Variants in RGS20 observed in about 807,000 individuals in gnomAD.
The protein encoded by RGS20 is gz-selective GTPase-activating protein.
Under a neutral mutation model 33.6 loss-of-function variants are expected in RGS20, and 30 were observed. The observed-to-expected ratio is 0.89, with a 90% CI of 0.67 to 1.21. RGS20 has a LOEUF of 1.21. Among genes scored for constraint, RGS20 ranks in the 50% most tolerant of loss-of-function variants. RGS20 has a pLI of 0.00. For synonymous variants in RGS20, 208 were observed against 197.9 expected (o/e 1.05, Z -0.43); for missense variants, 472 against 502.4 (o/e 0.94, Z 0.58).
intron 1 of RGS20, among the ~76,000 whole-genome samples, chr8:53,862,964 G>C (rs961946331): frequency 4.6e-5 from 7 of 152,084 alleles, no homozygotes; most frequent in Non-Finnish European, 8.8e-5. Flanking sequence ...GGGAACCAGA[G>C]AGCTCATGAC....
intron 2 of RGS20, among the ~76,000 whole-genome samples, chr8:53,930,863 T>C (rs550711037): frequency 6.6e-6 from 1 of 152,300 alleles, no homozygotes; most frequent in African/African-American, 2.4e-5. Context: ...TAGGAAATAA[T>C]AGTTACCTGG....
At chr8:53,874,268 G>C (rs1419952655) in intron 1 of RGS20, among the ~76,000 whole-genome samples, 1 of 152,118 alleles carries the variant, frequency 6.6e-6, no homozygotes. Flanking sequence ...CTTCGGTGTT[G>C]AGATGAGACT....
At chr8:53,883,774 A>G (rs1284756001) in intron 2 of RGS20, among the ~76,000 whole-genome samples, 1 of 152,030 alleles carries the variant, frequency 6.6e-6, no homozygotes, top group Non-Finnish European at 1.5e-5. Context: ...GTGAAACCCC[A>G]TCTCTACTAA....
chr8:53,873,145 C>A (rs1164521575), intron 1 of RGS20, among the ~76,000 whole-genome samples: 1 of 152,080 alleles, frequency 6.6e-6, no homozygotes, highest in African/African-American at 2.4e-5. Flanking sequence ...TATTGCTCCC[C>A]CTCTTGCCAT....
intron 2 of RGS20, chr8:53,880,981 C>T (rs201935579): frequency 1.9e-6 from 3 of 1,589,568 alleles, no homozygotes; most frequent in East Asian, 2.3e-5. Flanking sequence ...GGCAGCCCTC[C>T]GCGCTGCAAT....
intron 1 of RGS20, among the ~76,000 whole-genome samples, chr8:53,857,741 G>T (rs1416122743): frequency 6.6e-6 from 1 of 152,102 alleles, no homozygotes; most frequent in African/African-American, 2.4e-5. Flanking sequence ...TTAGATTCGG[G>T]ATGCCAAGCC....
At chr8:53,865,514 G>C (rs1048234376) in intron 1 of RGS20, among the ~76,000 whole-genome samples, 1 of 152,212 alleles carries the variant, frequency 6.6e-6, no homozygotes, top group South Asian at 2.1e-4. Flanking sequence ...ATCAACTCCA[G>C]ATCATGACAT....
chr8:53,937,685 A>C (rs1293649028), intron 2 of RGS20, among the ~76,000 whole-genome samples: 2 of 152,220 alleles, frequency 1.3e-5, no homozygotes, highest in African/African-American at 4.8e-5. Flanking sequence ...ACAAATTTAC[A>C]AGAAAAAAAC....
rs142395195 is a variant in RGS20 at position 53,949,418 on chromosome 8, A to G, written c.743+2670A>G. Among the ~76,000 whole-genome samples, 1,344 of 151,620 alleles carry G rather than the reference A, an allele frequency of 8.9e-3. 17 individuals are homozygous for G. The highest frequency in any genetic ancestry group is 0.027 in the African/African-American group (1,116 of 41,358). On this transcript the variant is annotated intron_variant, in intron 4 of 5. Transcript: ENST00000297313. ...AGTTATATTTTAAAAATAAAAGTAT[A>G]TTATATAATATACGGTGGGTGGGCA...
At chr8:53,859,632 G>A (rs1345245333) in intron 1 of RGS20, among the ~76,000 whole-genome samples, 2 of 152,148 alleles carry the variant, frequency 1.3e-5, no homozygotes, top group South Asian at 4.1e-4. Flanking sequence ...GAAACTCAGG[G>A]AGTGTATTAG....
At chr8:53,882,938 G>T (rs996823480) in intron 2 of RGS20, among the ~76,000 whole-genome samples, 4 of 152,154 alleles carry the variant, frequency 2.6e-5, no homozygotes, top group Non-Finnish European at 2.9e-5. Context: ...GCTCCAAACC[G>T]TGGAATTGAC....
chr8:53,913,093 G>A (rs1394614896), intron 2 of RGS20, among the ~76,000 whole-genome samples: 1 of 151,886 alleles, frequency 6.6e-6, no homozygotes, highest in Non-Finnish European at 1.5e-5. Context: ...GGCCTCCCAA[G>A]TAGCTGGGAT....
intron 2 of RGS20, among the ~76,000 whole-genome samples, chr8:53,885,335 C>T (rs985387105): frequency 3.9e-5 from 6 of 152,140 alleles, no homozygotes; most frequent in Non-Finnish European, 8.8e-5. Context: ...CAGCAGAGGC[C>T]GGGCGCGGTG....
intron 2 of RGS20, among the ~76,000 whole-genome samples, chr8:53,883,106 T>A (rs1812442370): frequency 6.6e-6 from 1 of 152,210 alleles, no homozygotes; most frequent in Admixed American, 6.5e-5. Flanking sequence ...CCTAATTTTT[T>A]TGGGGGTCTC....
intron 2 of RGS20, among the ~76,000 whole-genome samples, chr8:53,917,172 A>C (rs958043590): frequency 1.3e-5 from 2 of 151,468 alleles, no homozygotes; most frequent in Non-Finnish European, 2.9e-5. Context: ...TTTGAGATGG[A>C]ATTTCACTCT....
chr8:53,878,282 G>A (rs1008271909), intron 1 of RGS20, among the ~76,000 whole-genome samples: 7 of 152,116 alleles, frequency 4.6e-5, no homozygotes, highest in African/African-American at 1.4e-4. Flanking sequence ...CAGTCTGAAC[G>A]TGGCAGGTGA....
chr8:53,896,124 T>G (rs1434265526), intron 2 of RGS20, among the ~76,000 whole-genome samples: 1 of 151,950 alleles, frequency 6.6e-6, no homozygotes, highest in Non-Finnish European at 1.5e-5. Flanking sequence ...CTGCAAAAAG[T>G]AAAAAATTAG....
At chr8:53,933,889 A>G (rs1814049300) in intron 2 of RGS20, among the ~76,000 whole-genome samples, 1 of 152,260 alleles carries the variant, frequency 6.6e-6, no homozygotes, top group Admixed American at 6.5e-5. Context: ...AGGGAAGCCC[A>G]TCAGACTAAC....
At chr8:53,860,516 G>A (rs577430716) in intron 1 of RGS20, among the ~76,000 whole-genome samples, 21 of 152,350 alleles carry the variant, frequency 1.4e-4, no homozygotes, top group African/African-American at 5.1e-4. Context: ...ATAGCAAGGA[G>A]GCAGGAGGCT....
Sources: gnomAD v4.1 joint callset for allele counts (sites outside exome capture counted in the v4.1 genomes callset) on GRCh38, gnomAD v4.1.1 for gene constraint, MANE v1.5 for transcripts, NCBI Gene and HGNC (gene_info 2026-07-23, HGNC 2026-07-21) for gene names.